Variants in OXNAD1 observed in about 807,000 individuals in gnomAD.
The protein encoded by OXNAD1 is oxidoreductase NAD binding domain containing 1.
A neutral mutation model predicts 32.9 loss-of-function variants in OXNAD1; 34 were observed. The observed-to-expected ratio is 1.03, with a 90% CI of 0.79 to 1.38. The LOEUF is 1.38. Ranked by LOEUF, OXNAD1 falls within the 40% of genes most tolerant of loss-of-function variation. The pLI is 0.00. For missense variants in OXNAD1, 407 were observed against 379.4 expected (o/e 1.07, Z -0.60); for synonymous variants, 134 against 135.2 (o/e 0.99, Z 0.06).
Position 16,303,740 on chromosome 3 carries a change from T to C in OXNAD1, c.*178T>C, listed in dbSNP as rs559766883. The C allele has an allele frequency of 6.1e-5, 36 of 592,924 alleles. No individual in the cohort carries two copies. In the South Asian group the frequency reaches 9.1e-4, roughly 15 times the overall value. The allele number at this position is 592,924 out of a possible 1,614,324, so 36.7% of individuals were successfully genotyped here. A position where few individuals can be genotyped will look rare whatever the true frequency, so the allele number is the denominator to read the frequency against. On this transcript the variant is annotated 3_prime_UTR_variant, in exon 9 of 9. Transcript: ENST00000285083. The surrounding 1 kb of genome is among the most constrained non-coding windows in gnomAD (Gnocchi z 4.8). ...TGGCAGACTTAAATGATAAACTTTT[T>C]GCAAAGACCTCAGTGATCAAACTAT...
chr3:16,307,300 C>T (rs1243015792), downstream of OXNAD1, among the ~76,000 whole-genome samples: 1 of 152,162 alleles, frequency 6.6e-6, no homozygotes, highest in African/African-American at 2.4e-5. Flanking sequence ...GTCAGTGGTT[C>T]ACACTCAATC....
downstream of OXNAD1, among the ~76,000 whole-genome samples, chr3:16,341,839 T>C (rs550943666): frequency 3.9e-4 from 59 of 152,248 alleles, no homozygotes; most frequent in Admixed American, 2.4e-3. This position sits in a 1 kb window ranked among gnomAD's most constrained non-coding sequence, Gnocchi z 4.7. Flanking sequence ...CAAAAATGTA[T>C]AACAGTTTGA....
rs1005271006 is a variant in OXNAD1, at chr3:16,271,208, CG to C, written c.119+138del. 39 of 1,082,708 alleles carry C rather than the reference CG, an allele frequency of 3.6e-5. No individual in the cohort carries two copies. In the African/African-American group the frequency reaches 9.2e-4, roughly 25 times the overall value. The allele number at this position is 1,082,708 out of a possible 1,614,324, so 67.1% of individuals were successfully genotyped here. The stretch of plus-strand genomic sequence containing the variant: ...ATGTGCATGCTGTCAGGTTGTTAAC[CG>C]TTTTTTTTGTCTGAGATGGAGTCTT... On this transcript the variant is annotated intron_variant, in intron 3 of 8. Transcript: ENST00000285083. This position sits in a 1 kb window ranked among gnomAD's most constrained non-coding sequence, Gnocchi z 4.6.
chr3:16,306,098 C>T (rs2067535184), downstream of OXNAD1: 1 of 152,128 alleles, frequency 6.6e-6, no homozygotes, highest in African/African-American at 2.4e-5. Flanking sequence ...TCCTCTGGCT[C>T]TATGAGTTTG....
chr3:16,308,412 G>GTGAT (rs1407227388), downstream of OXNAD1, among the ~76,000 whole-genome samples: 34 of 152,142 alleles, frequency 2.2e-4, no homozygotes, highest in Admixed American at 2.2e-3. This position sits in a 1 kb window ranked among gnomAD's most constrained non-coding sequence, Gnocchi z 4.4. Flanking sequence ...TGTGGATGCA[G>GTGAT]TGATTGTCAA....
At chr3:16,291,419 T>C (rs2066419468) in intron 5 of OXNAD1, among the ~76,000 whole-genome samples, 1 of 152,228 alleles carries the variant, frequency 6.6e-6, no homozygotes, top group Non-Finnish European at 1.5e-5. Flanking sequence ...ATTCATTCCC[T>C]ATCCTCCTGC....
downstream of OXNAD1, among the ~76,000 whole-genome samples, chr3:16,339,051 C>G (rs981727468): frequency 1.3e-5 from 2 of 152,216 alleles, no homozygotes; most frequent in Non-Finnish European, 2.9e-5. Context: ...ACTGTCCTAG[C>G]TAACAACGAA....
Position 16,284,163 on chromosome 3 carries a change from A to G in OXNAD1, c.184-2179A>G, listed in dbSNP as rs1005356612. Among the ~76,000 whole-genome samples, 1 of 152,244 alleles carries G rather than the reference A, an allele frequency of 6.6e-6. No individual in the cohort carries two copies. Among genetic ancestry groups the G allele is most frequent in the Non-Finnish European group, 1.5e-5 (1 of 68,044 alleles). On this transcript the variant is annotated intron_variant, in intron 4 of 8. Transcript: ENST00000285083. The surrounding 1 kb of genome is among the most constrained non-coding windows in gnomAD (Gnocchi z 4.1). ...ACCACACTGCAGTTTCTTGTTGTCC[A>G]TGTGAGCAGTCTCTGAGATGTTCAG...
intron 9 of OXNAD1, among the ~76,000 whole-genome samples, chr3:16,313,037 A>T (rs953947337): frequency 2.0e-5 from 3 of 148,876 alleles, no homozygotes; most frequent in African/African-American, 7.7e-5. Context: ...TTTAACGCCC[A>T]TGTCAAGATC....
downstream of OXNAD1, among the ~76,000 whole-genome samples, chr3:16,340,244 T>C (rs528270680): frequency 6.6e-6 from 1 of 152,374 alleles, no homozygotes; most frequent in Non-Finnish European, 1.5e-5. Flanking sequence ...CAATAGTACA[T>C]TAACAAATAT....
chr3:16,332,925 A>G (rs2070471738), intron 9 of OXNAD1, among the ~76,000 whole-genome samples: 1 of 152,218 alleles, frequency 6.6e-6, no homozygotes, highest in South Asian at 2.1e-4. Flanking sequence ...ATTAGTGACT[A>G]TTGAACCATT....
chr3:16,308,745 T>C (rs2067748176), downstream of OXNAD1, among the ~76,000 whole-genome samples: 1 of 152,178 alleles, frequency 6.6e-6, no homozygotes, highest in Non-Finnish European at 1.5e-5. This position sits in a 1 kb window ranked among gnomAD's most constrained non-coding sequence, Gnocchi z 4.4. Context: ...ACTTTTATAG[T>C]TGTTGAGCAG....
rs1184586795 is a variant in OXNAD1, at chr3:16,317,509, C to T, written c.*30+13917C>T. Reference sequence around the variant, plus strand: ...GTATTTCTTTTGACTGGCTCTATACCAAAGGCCCACATAGGAAAGGGCTCC... The same window carrying T: ...GTATTTCTTTTGACTGGCTCTATACTAAAGGCCCACATAGGAAAGGGCTCC... On this transcript the variant is annotated intron_variant, in intron 9 of 9. Coordinates refer to the OXNAD1 transcript ENST00000435829. This position sits in a 1 kb window ranked among gnomAD's most constrained non-coding sequence, Gnocchi z 4.3. Among the ~76,000 whole-genome samples the T allele has an allele frequency of 3.3e-5, 5 of 152,120 alleles. No individual in the cohort carries two copies. Among genetic ancestry groups the T allele is most frequent in the African/African-American group, 1.2e-4 (5 of 41,412 alleles).
intron 2 of OXNAD1, 88 bp from the exon 3 acceptor site, chr3:16,270,857 C>A (rs766920290): frequency 1.3e-6 from 2 of 1,554,838 alleles, no homozygotes; most frequent in Non-Finnish European, 1.7e-6. Flanking sequence ...CAGAAATCCA[C>A]ACTCTTCCTC....
rs182613419 is a variant in OXNAD1, at chr3:16,280,777, T to C, written c.184-5565T>C. On this transcript the variant is annotated intron_variant, in intron 4 of 8. Transcript: ENST00000285083. This position sits in a 1 kb window ranked among gnomAD's most constrained non-coding sequence, Gnocchi z 4.5. Reference sequence around the variant, plus strand: ...TCAAAATATCCTACATAAAACCAGCTTTTTAAACAAGTGTGATGGAATTTC... The same window carrying C: ...TCAAAATATCCTACATAAAACCAGCCTTTTAAACAAGTGTGATGGAATTTC... Among the ~76,000 whole-genome samples the C allele has an allele frequency of 4.9e-4, 75 of 152,300 alleles. No homozygotes were observed. The highest frequency in any genetic ancestry group is 1.0e-3 in the Non-Finnish European group (70 of 68,018).
At position 16,314,964 on chromosome 3, in the gene OXNAD1, T is replaced by C. The variant is rs752400727; in HGVS notation, c.*30+11372T>C. 2 of 152,220 alleles carry C rather than the reference T, an allele frequency of 1.3e-5. No individual in the cohort carries two copies. Among genetic ancestry groups the C allele is most frequent in the African/African-American group, 2.4e-5 (1 of 41,452 alleles). 9.4% of individuals were successfully genotyped at this position (152,220 alleles called of 1,614,324 possible). ...TTGACTTAGTTGTGGAAAATGTCAT[T>C]AAAAAATAGTTGTCTTCTCTTTGAA... On this transcript the variant is annotated intron_variant, in intron 9 of 9. Transcript: ENST00000435829. This position sits in a 1 kb window ranked among gnomAD's most constrained non-coding sequence, Gnocchi z 4.4.
chr3:16,326,754 T>C (rs2125225541), intron 9 of OXNAD1: 1 of 1,580,790 alleles, frequency 6.3e-7, no homozygotes, highest in Non-Finnish European at 8.7e-7. Flanking sequence ...AGAATCCTAA[T>C]GATTACTGTT....
chr3:16,283,324 C>T (rs1007780966), intron 4 of OXNAD1, among the ~76,000 whole-genome samples: 2 of 152,206 alleles, frequency 1.3e-5, no homozygotes, highest in Admixed American at 1.3e-4. Context: ...GGCATAAGTG[C>T]GTTTACCACT....
chr3:16,289,832 A>G lies in OXNAD1; in HGVS notation c.290+3384A>G, dbSNP rs571598260. ...CCTCCTTCCTCTGCCTTGCCTCGCT[A>G]CGCTAAGCAGATTTTATCATTGCCC... On this transcript the variant is annotated intron_variant, in intron 5 of 8. Transcript: ENST00000285083. The surrounding 1 kb of genome is among the most constrained non-coding windows in gnomAD (Gnocchi z 4.9). Among the ~76,000 whole-genome samples, 3 of 152,310 alleles carry G rather than the reference A, an allele frequency of 2.0e-5. No individual in the cohort carries two copies. Among genetic ancestry groups the G allele is most frequent in the Admixed American group, 6.5e-5 (1 of 15,298 alleles).
Sources: allele counts gnomAD v4.1 joint callset (sites outside exome capture counted in the v4.1 genomes callset), GRCh38; gene constraint gnomAD v4.1.1; non-coding constraint Gnocchi (gnomAD v3.1); transcripts MANE v1.5; gene names NCBI Gene and HGNC (gene_info 2026-07-23, HGNC 2026-07-21).